Variants in CTBP1 observed in about 807,000 individuals in gnomAD.
CTBP1 encodes C-terminal binding protein 1, also known as C-terminal-binding protein 1.
CTBP1 carries 11 observed loss-of-function variants against 42.1 expected under a neutral mutation model. That is an observed-to-expected ratio of 0.26 (90% CI 0.16 to 0.43). The LOEUF (loss-of-function observed/expected upper bound fraction) is 0.43. CTBP1 is among the 20% of genes least tolerant of loss of function. The pLI is 1.00. For synonymous variants in CTBP1, 324 were observed against 277.1 expected (o/e 1.17, Z -1.68); for missense variants, 399 against 624.3 (o/e 0.64, Z 3.85).
In CTBP1 at chr4:1,225,514, C is replaced by T. The variant is rs778804693; in HGVS notation, c.360G>A (p.Ser120=). The change falls in exon 5 of 10, where the codon TCG becomes TCA. Residue 120 remains serine, a synonymous_variant. Transcript: ENST00000382952. The part of the protein sequence containing the change: ...PAASVEETAD[S]TLCHILNLYR... The stretch of plus-strand genomic sequence containing the variant: ...ACAGGTTCAGGATGTGGCACAGCGT[C>T]GAGTCGGCCGTCTCCTCCACAGACG... The T allele has an allele frequency of 9.7e-6, 15 of 1,544,860 alleles. No homozygotes were observed. Among genetic ancestry groups the T allele is most frequent in the South Asian group, 7.1e-5 (6 of 84,070 alleles).
intron 1 of CTBP1, chr4:1,242,921 A>C: frequency 1.0e-6 from 1 of 985,104 alleles, no homozygotes; most frequent in Non-Finnish European, 1.2e-6. Flanking sequence ...GCCAGCCGAT[A>C]CTCATCAACG....
intron 5 of CTBP1, among the ~76,000 whole-genome samples, chr4:1,222,858 T>C (rs1206262560): frequency 2.0e-5 from 3 of 151,862 alleles, no homozygotes; most frequent in African/African-American, 7.3e-5. Flanking sequence ...ACAGGACACA[T>C]GACTCTGGGG....
chr4:1,229,542 G>A (rs146540179), intron 3 of CTBP1, among the ~76,000 whole-genome samples: 56 of 152,348 alleles, frequency 3.7e-4, no homozygotes, highest in Middle Eastern at 6.8e-3. Context: ...GCTCAGCACA[G>A]AGGTTGCCGG....
chr4:1,213,549 G>C lies in CTBP1; in HGVS notation c.917C>G (p.Ala306Gly). ...APNLICTPHAAWYSEQASIEM... is the reference protein window; with the variant it reads ...APNLICTPHAGWYSEQASIEM... The stretch of plus-strand genomic sequence containing the variant: ...GATGGATGCCTGCTCGCTGTACCAT[G>C]CAGCATGGGGGGTGCAGATGAGGTT... The change falls in exon 8 of 10, where the codon GCA (alanine) becomes GGA (glycine). Residue 306 changes from alanine to glycine, a missense_variant. Ala to Gly is a moderately conservative substitution (Grantham distance 60, BLOSUM62 0). Coordinates refer to ENST00000382952, the MANE Select transcript of CTBP1 (RefSeq NM_001012614.2). The C allele has an allele frequency of 6.2e-7, 1 of 1,613,290 alleles. No individual in the cohort carries two copies. The highest frequency in any genetic ancestry group is 8.5e-7 in the Non-Finnish European group (1 of 1,179,938).
intron 3 of CTBP1, among the ~76,000 whole-genome samples, chr4:1,231,839 G>A (rs994225057): frequency 6.6e-6 from 1 of 152,160 alleles, no homozygotes; most frequent in African/African-American, 2.4e-5. Flanking sequence ...CCCACATGAA[G>A]GGCCAGGCCC....
Position 1,225,347 on chromosome 4 carries a change from G to A in CTBP1, c.514+13C>T. 6.5e-7 allele frequency: 1 copy of A among 1,539,988 alleles called. No homozygotes were observed. Among genetic ancestry groups the A allele is most frequent in the South Asian group, 1.2e-5 (1 of 83,808 alleles). ...CAGGGAGGGACACAGGCGTGGAGCTGCGGCCGACGCACCAAGTCCGATGAT... is the reference window on the plus strand; with the variant it reads ...CAGGGAGGGACACAGGCGTGGAGCTACGGCCGACGCACCAAGTCCGATGAT... On this transcript the variant is annotated intron_variant, in intron 5 of 9. Coordinates refer to ENST00000382952, the MANE Select transcript of CTBP1 (RefSeq NM_001012614.2).
chr4:1,231,968 G>C (rs1731008877), intron 3 of CTBP1, among the ~76,000 whole-genome samples: 1 of 152,254 alleles, frequency 6.6e-6, no homozygotes, highest in African/African-American at 2.4e-5. Context: ...ACACCGCTCT[G>C]TCTGTACCAA....
chr4:1,237,402 C>T (rs1221110682), intron 3 of CTBP1: 38 of 687,982 alleles, frequency 5.5e-5, no homozygotes, highest in Non-Finnish European at 8.8e-5. Flanking sequence ...ACCCCGTGTC[C>T]ACCTCCTGAT....
chr4:1,249,781 C>A (rs542454128), upstream of CTBP1: 201 of 292,540 alleles, frequency 6.9e-4, 2 homozygotes, highest in East Asian at 0.028. Context: ...GGCTGGAGAA[C>A]CCCTTCCCCG....
intron 4 of CTBP1, among the ~76,000 whole-genome samples, chr4:1,226,141 G>A (rs1355969090): frequency 6.6e-6 from 1 of 151,978 alleles, no homozygotes; most frequent in Non-Finnish European, 1.5e-5. Context: ...CATTTCTCCC[G>A]AGTGGCCAGG....
At chr4:1,241,656 C>T in intron 1 of CTBP1, 137 bp from the exon 2 acceptor site, 1 of 1,320,218 alleles carries the variant, frequency 7.6e-7, no homozygotes, top group South Asian at 1.4e-5. Context: ...CCTACCTGGA[C>T]TCGGGGGCCT....
rs1731425572 is a variant in CTBP1 at position 1,235,701 on chromosome 4, G to C, written c.162+2482C>G. The C allele has an allele frequency of 6.6e-6, 1 of 152,244 alleles. No individual in the cohort carries two copies. Among genetic ancestry groups the C allele is most frequent in the Admixed American group, 6.5e-5 (1 of 15,276 alleles). The allele number at this position is 152,244 out of a possible 1,614,324, so 9.4% of individuals were successfully genotyped here. On this transcript the variant is annotated intron_variant, in intron 3 of 9. Coordinates refer to ENST00000382952, the MANE Select transcript of CTBP1 (RefSeq NM_001012614.2). This position sits in a 1 kb window ranked among gnomAD's most constrained non-coding sequence, Gnocchi z 4.2. ...GGGTGATCGGCTCGTGGGCAGCACG[G>C]GGAGCTCCTGCGGGTGGCACTGCTT...
chr4:1,220,399 G>C (rs1470424789), intron 5 of CTBP1, among the ~76,000 whole-genome samples: 1 of 152,006 alleles, frequency 6.6e-6, no homozygotes, highest in Non-Finnish European at 1.5e-5. Flanking sequence ...TGATAACGAC[G>C]AAACACCGTT....
intron 1 of CTBP1, chr4:1,244,885 C>T (rs542589424): frequency 5.7e-5 from 56 of 985,448 alleles, no homozygotes; most frequent in East Asian, 4.5e-4. Context: ...CTGACATGAA[C>T]GAAGGCTGTG....
chr4:1,245,843 G>A (rs1732667549), intron 1 of CTBP1, among the ~76,000 whole-genome samples: 1 of 152,024 alleles, frequency 6.6e-6, no homozygotes, highest in African/African-American at 2.4e-5. Context: ...TCCCAACACC[G>A]CCCACACCTC....
At position 1,214,011 on chromosome 4, in the gene CTBP1, C is replaced by A. The variant is rs1728830421; in HGVS notation, c.860+332G>T. 7.3e-6 allele frequency: 3 copies of A among 413,628 alleles called. No individual in the cohort carries two copies. The South Asian group carries it at 1.2e-4, about 16-fold the overall frequency. The allele number at this position is 413,628 out of a possible 1,614,324, so 25.6% of individuals were successfully genotyped here. On this transcript the variant is annotated intron_variant, in intron 7 of 9. Coordinates refer to ENST00000382952, the MANE Select transcript of CTBP1 (RefSeq NM_001012614.2). Reference sequence around the variant, plus strand: ...GGGTCCCAAGGTGCTGTAGGGGCTGCAGGTCTGGACGGGATGCCATGACTC... The same window carrying A: ...GGGTCCCAAGGTGCTGTAGGGGCTGAAGGTCTGGACGGGATGCCATGACTC...
chr4:1,227,930 C>T (rs903148353), intron 4 of CTBP1, among the ~76,000 whole-genome samples: 10 of 152,222 alleles, frequency 6.6e-5, no homozygotes, highest in Non-Finnish European at 1.0e-4. Context: ...AAGCAAGGGG[C>T]ACCAGCCAGA....
intron 3 of CTBP1, among the ~76,000 whole-genome samples, chr4:1,231,299 A>G (rs1009186595): frequency 3.9e-5 from 6 of 152,154 alleles, no homozygotes; most frequent in Admixed American, 1.3e-4. Context: ...TCCCACGGAG[A>G]AAGTCTGCAG....
At chr4:1,241,100 C>T (rs1732131684) in intron 2 of CTBP1, among the ~76,000 whole-genome samples, 1 of 152,232 alleles carries the variant, frequency 6.6e-6, no homozygotes, top group Non-Finnish European at 1.5e-5. Flanking sequence ...ATGCCACGGA[C>T]AGGCCTGACC....
Sources: allele counts gnomAD v4.1 joint callset (sites outside exome capture counted in the v4.1 genomes callset), GRCh38; gene constraint gnomAD v4.1.1; non-coding constraint Gnocchi (gnomAD v3.1); transcripts MANE v1.5; gene names NCBI Gene and HGNC (gene_info 2026-07-23, HGNC 2026-07-21).